The following ADARB1 variants were observed in gnomAD, a reference collection of about 807,000 sequenced individuals.
ADARB1 encodes the protein double-stranded RNA-specific editase 1.
A neutral mutation model predicts 52.4 loss-of-function variants in ADARB1; 10 were observed. The ratio of observed to expected loss-of-function variants is 0.19; its 90% CI spans 0.12 to 0.32. ADARB1 has a LOEUF of 0.32. Ranked by LOEUF, ADARB1 falls within the 10% of genes least tolerant of loss-of-function variation. The pLI is 1.00. For synonymous variants in ADARB1, 349 were observed against 371.1 expected (o/e 0.94, Z 0.68); for missense variants, 643 against 922.3 (o/e 0.70, Z 3.92).
rs919179070 is a variant in ADARB1, at chr21:45,224,023, T to C, written c.*1826T>C. ...GGGGTTTTGTTCAGGCAGATCGCGCTGGGGTTCTGCACCTGCAGAAGGAGA... is the reference window on the plus strand; with the variant it reads ...GGGGTTTTGTTCAGGCAGATCGCGCCGGGGTTCTGCACCTGCAGAAGGAGA... On this transcript the variant is annotated 3_prime_UTR_variant, in exon 11 of 11. Transcript: ENST00000348831. 1.0e-6 allele frequency: 1 copy of C among 985,358 alleles called. No individual in the cohort carries two copies. The highest frequency in any genetic ancestry group is 1.7e-5 in the African/African-American group (1 of 57,220). 61.0% of individuals were successfully genotyped at this position (985,358 alleles called of 1,614,324 possible). A position where few individuals can be genotyped will look rare whatever the true frequency, so the allele number is the denominator to read the frequency against.
At chr21:45,163,148 G>A (rs1011895362) in intron 2 of ADARB1, among the ~76,000 whole-genome samples, 1 of 152,236 alleles carries the variant, frequency 6.6e-6, no homozygotes, top group African/African-American at 2.4e-5. Flanking sequence ...ATTGTACTAA[G>A]TAGATCCCTT....
intron 2 of ADARB1, among the ~76,000 whole-genome samples, chr21:45,169,069 A>G (rs1247957040): frequency 1.3e-5 from 2 of 152,242 alleles, no homozygotes; most frequent in African/African-American, 4.8e-5. Context: ...AGAGGGCCTC[A>G]TCACTGCTCC....
rs553855587 is a variant in ADARB1, at chr21:45,143,803, C to T, written c.-48+15230C>T. Among the ~76,000 whole-genome samples the T allele has an allele frequency of 9.7e-4, 148 of 152,364 alleles. 1 individual carries two copies. The highest frequency in any genetic ancestry group is 3.4e-3 in the African/African-American group (141 of 41,584). ...AGCTGTCTTACGGCCAGCTTCCTCA[C>T]CACCTCGCTGCAGTCTTTTCCGCAA... is the stretch of plus-strand genomic sequence containing the variant. On this transcript the variant is annotated intron_variant, in intron 2 of 10. Coordinates refer to ENST00000348831, the MANE Select transcript of ADARB1 (RefSeq NM_001112.4).
intron 1 of ADARB1, among the ~76,000 whole-genome samples, chr21:45,092,578 T>C (rs1350384291): frequency 6.6e-6 from 1 of 152,202 alleles, no homozygotes; most frequent in East Asian, 1.9e-4. Context: ...GTTAACTTTT[T>C]CCTTATTATT....
At chr21:45,141,523 A>G (rs1237979031) in intron 2 of ADARB1, among the ~76,000 whole-genome samples, 1 of 152,024 alleles carries the variant, frequency 6.6e-6, no homozygotes, top group Non-Finnish European at 1.5e-5. Context: ...AGTTTCCCAG[A>G]GTCTGTAAAT....
intron 1 of ADARB1, among the ~76,000 whole-genome samples, chr21:45,077,069 G>A (rs1368542491): frequency 6.6e-6 from 1 of 152,226 alleles, no homozygotes; most frequent in African/African-American, 2.4e-5. Context: ...AGTGTGTATT[G>A]TATATGTTTT....
rs1383580531 is a variant in ADARB1, at chr21:45,176,360, C to G, written c.659C>G (p.Pro220Arg). The change falls in exon 4 of 11, where the codon CCT becomes CGT. Residue 220 changes from proline to arginine, a missense_variant. This residue lies in a region of ADARB1 where 380 missense variants were observed against 446.5 expected (regional missense o/e 0.85). Coordinates refer to ENST00000348831, the MANE Select transcript of ADARB1 (RefSeq NM_001112.4). The surrounding 1 kb of genome is among the most constrained non-coding windows in gnomAD (Gnocchi z 5.8). ...ASPVPASLAQPPLPVLPPFPP... is the reference protein window; with the variant it reads ...ASPVPASLAQRPLPVLPPFPP... ...CCGGTGCCTGCCAGCCTAGCCCAGC[C>G]TCCTCTCCCTGTCTTACCACCATTC... 1.9e-6 allele frequency: 3 copies of G among 1,614,074 alleles called. No homozygotes were observed. Among genetic ancestry groups the G allele is most frequent in the Non-Finnish European group, 2.5e-6 (3 of 1,180,042 alleles).
rs934123668 is a variant in ADARB1, at chr21:45,221,059, A to G, written c.1926+45A>G. On this transcript the variant is annotated intron_variant, in intron 10 of 10. Transcript: ENST00000348831. The surrounding 1 kb of genome is among the most constrained non-coding windows in gnomAD (Gnocchi z 4.9). ...GCAATGCGCCGGCTCCACCTCCCCA[A>G]TAGCTTGTCTGTCCTCACACCTACT... is the stretch of plus-strand genomic sequence containing the variant. 4 of 1,555,964 alleles carry G rather than the reference A, an allele frequency of 2.6e-6. No homozygotes were observed. Among genetic ancestry groups the G allele is most frequent in the Admixed American group, 1.8e-5 (1 of 55,040 alleles).
At chr21:45,135,860 C>T (rs111956342) in intron 2 of ADARB1, among the ~76,000 whole-genome samples, 12 of 152,134 alleles carry the variant, frequency 7.9e-5, no homozygotes, top group African/African-American at 2.2e-4. Flanking sequence ...ACTGTGCTGC[C>T]CCTCACCCTC....
At chr21:45,168,339 G>A (rs1158428137) in intron 2 of ADARB1, among the ~76,000 whole-genome samples, 2 of 152,080 alleles carry the variant, frequency 1.3e-5, no homozygotes, top group African/African-American at 2.4e-5. Flanking sequence ...CAGTTTATCA[G>A]TTGTTTCTTT....
At chr21:45,102,062 T>C (rs1448402661) in intron 1 of ADARB1, among the ~76,000 whole-genome samples, 1 of 152,162 alleles carries the variant, frequency 6.6e-6, no homozygotes, top group Non-Finnish European at 1.5e-5. Context: ...AGCTAACTTT[T>C]TTTATTTTTT....
chr21:45,177,351 C>G (rs1032821995), intron 4 of ADARB1: 3 of 152,316 alleles, frequency 2.0e-5, no homozygotes, highest in Non-Finnish European at 4.4e-5. Flanking sequence ...ATGAGGACTT[C>G]CCCGCATGCC....
At chr21:45,102,734 A>C (rs1205076950) in intron 1 of ADARB1, among the ~76,000 whole-genome samples, 2 of 152,254 alleles carry the variant, frequency 1.3e-5, no homozygotes, top group Non-Finnish European at 2.9e-5. Flanking sequence ...TGACATAAAT[A>C]AATGACTGAT....
intron 9 of ADARB1, among the ~76,000 whole-genome samples, chr21:45,219,586 A>G (rs2092926731): frequency 6.6e-6 from 1 of 152,188 alleles, no homozygotes; most frequent in African/African-American, 2.4e-5. Context: ...TACATTAGTA[A>G]CTGAAGAAAA....
Position 45,124,787 on chromosome 21 carries a change from A to ATGTGTGTG in ADARB1, c.-219-3592_-219-3585dup, listed in dbSNP as rs56113860. ...AAATGGTGTGTGTGTGTGTGTGTGT[A>ATGTGTGTG]TGTGTGTGTGTGTGTGTGTGTGTGT... On this transcript the variant is annotated intron_variant, in intron 1 of 10. Transcript: ENST00000348831. 2.7e-3 allele frequency among the ~76,000 whole-genome samples: 368 copies of ATGTGTGTG among 135,802 alleles called. 1 individual carries two copies. Among genetic ancestry groups the ATGTGTGTG allele is most frequent in the East Asian group, 0.014 (71 of 4,906 alleles). 89.1% of individuals were successfully genotyped at this position (135,802 alleles called of 152,430 possible).
At position 45,115,953 on chromosome 21, in the gene ADARB1, A is replaced by T. The variant is rs552947258; in HGVS notation, c.-219-12449A>T. Among the ~76,000 whole-genome samples the T allele has an allele frequency of 4.9e-4, 74 of 152,310 alleles. 1 individual carries two copies. The highest frequency in any genetic ancestry group is 1.8e-3 in the African/African-American group (73 of 41,560). ...CCCTGCAAAGCAAAATGCTGAAGAG[A>T]TACATATTTGTTAATTAACTGATTT... On this transcript the variant is annotated intron_variant, in intron 1 of 10. Transcript: ENST00000348831.
intron 2 of ADARB1, among the ~76,000 whole-genome samples, chr21:45,161,588 C>T (rs181034963): frequency 2.4e-4 from 36 of 152,338 alleles, no homozygotes; most frequent in Non-Finnish European, 5.0e-4. Context: ...GCCTTGCAGC[C>T]GCCCCTCGGC....
intron 1 of ADARB1, among the ~76,000 whole-genome samples, chr21:45,098,905 C>T (rs2086883194): frequency 6.6e-6 from 1 of 152,212 alleles, no homozygotes; most frequent in African/African-American, 2.4e-5. Context: ...CTCACTGCCT[C>T]TGCCTCAGAA....
In ADARB1 at chr21:45,226,057, C is replaced by T. The variant is rs866569437; in HGVS notation, c.*3860C>T. The stretch of plus-strand genomic sequence containing the variant: ...GAGGTGGATGGCAGGTCCGACTCGA[C>T]CATGACTTAGTTGTAAGGGTGTGTC... On this transcript the variant is annotated 3_prime_UTR_variant, in exon 11 of 11. Transcript: ENST00000348831. 2.6e-5 allele frequency: 4 copies of T among 153,278 alleles called. No homozygotes were observed. Among genetic ancestry groups the T allele is most frequent in the African/African-American group, 9.6e-5 (4 of 41,484 alleles). The allele number at this position is 153,278 out of a possible 1,614,324, so 9.5% of individuals were successfully genotyped here.
Sources: gnomAD v4.1 joint callset for allele counts (sites outside exome capture counted in the v4.1 genomes callset) on GRCh38, gnomAD v4.1.1 for gene constraint, gnomAD v4.1.1 regional missense constraint, Gnocchi (gnomAD v3.1) non-coding constraint, MANE v1.5 for transcripts, NCBI Gene and HGNC (gene_info 2026-07-23, HGNC 2026-07-21) for gene names.